The following CD44 variants were observed in gnomAD, a reference collection of about 807,000 sequenced individuals.
CD44 encodes CD44 molecule (IN blood group).
Under a neutral mutation model 88.8 loss-of-function variants are expected in CD44, and 49 were observed. The observed-to-expected ratio is 0.55, with a 90% CI of 0.44 to 0.70. CD44 has a LOEUF of 0.70. Ranked by LOEUF, CD44 falls within the 30% of genes least tolerant of loss-of-function variation. CD44 has a pLI of 0.00. For missense variants in CD44, 883 were observed against 913.8 expected, an observed-to-expected ratio of 0.97 and a Z score of 0.43; for synonymous variants, 325 against 312.3, an observed-to-expected ratio of 1.04 and a Z score of -0.43.
intron 6 of CD44, 180 bp from the exon 7 acceptor site, chr11:35,197,941 T>G: frequency 1.5e-4 from 79 of 538,608 alleles, no homozygotes; most frequent in Non-Finnish European, 1.9e-4. Context: ...CCACTTGTTT[T>G]GAGATTTATG....
intron 16 of CD44, among the ~76,000 whole-genome samples, chr11:35,220,373 C>G (rs1276139862): frequency 5.9e-5 from 9 of 151,790 alleles, no homozygotes; most frequent in African/African-American, 2.2e-4. Context: ...TCCTGTCAGT[C>G]TCCCCCACTT....
At chr11:35,169,501 T>C (rs1377067398) in intron 1 of CD44, among the ~76,000 whole-genome samples, 2 of 152,102 alleles carry the variant, frequency 1.3e-5, no homozygotes, top group African/African-American at 2.4e-5. Context: ...GACCAGCTCC[T>C]GGATTCCATA....
intron 3 of CD44, among the ~76,000 whole-genome samples, chr11:35,184,491 A>G (rs1023611214): frequency 3.9e-5 from 6 of 152,214 alleles, no homozygotes; most frequent in Admixed American, 3.3e-4. Flanking sequence ...AGCATCTCAT[A>G]GGTTGCGTCA....
Position 35,206,207 on chromosome 11 carries a change from C to T in CD44, c.1378C>T (p.Pro460Ser). ...TGATTTCTTCAACCCAATCTCACACCCCATGGGACGAGGTCATCAAGCAGG... is the reference window on the plus strand; with the variant it reads ...TGATTTCTTCAACCCAATCTCACACTCCATGGGACGAGGTCATCAAGCAGG... ...WTDFFNPISH[P>S]MGRGHQAGRR... Residue 460 changes from proline to serine, a missense_variant, in exon 11 of 18, where the codon CCC (proline) becomes TCC (serine). Pro to Ser is a moderately conservative substitution (Grantham distance 74). Coordinates refer to ENST00000428726, the MANE Select transcript of CD44 (RefSeq NM_000610.4). The T allele has an allele frequency of 6.2e-7, 1 of 1,611,418 alleles. No individual in the cohort carries two copies. Among genetic ancestry groups the T allele is most frequent in the Non-Finnish European group, 8.5e-7 (1 of 1,178,720 alleles).
chr11:35,187,795 C>A (rs540580902), intron 4 of CD44, among the ~76,000 whole-genome samples: 238 of 152,260 alleles, frequency 1.6e-3, no homozygotes, highest in African/African-American at 5.2e-3. Flanking sequence ...CTTCCTGATA[C>A]GTGTTTTGAC....
intron 14 of CD44, among the ~76,000 whole-genome samples, chr11:35,211,910 T>C (rs1311745082): frequency 6.6e-6 from 1 of 152,222 alleles, no homozygotes; most frequent in African/African-American, 2.4e-5. Context: ...GTATCTTTGC[T>C]CTGAAATTAT....
chr11:35,142,126 G>C (rs758848600), intron 1 of CD44, among the ~76,000 whole-genome samples: 13 of 152,116 alleles, frequency 8.5e-5, no homozygotes, highest in Non-Finnish European at 1.3e-4. Context: ...TGGAGGCCAG[G>C]GGGGATGAGT....
intron 2 of CD44, among the ~76,000 whole-genome samples, chr11:35,180,062 T>C (rs113153626): frequency 1.3e-5 from 2 of 152,300 alleles, no homozygotes; most frequent in South Asian, 2.1e-4. Flanking sequence ...GGTCTCTAAA[T>C]AAAATCACTT....
At chr11:35,159,864 TTAATCC>T (rs1942375549) in intron 1 of CD44, among the ~76,000 whole-genome samples, 1 of 152,238 alleles carries the variant, frequency 6.6e-6, no homozygotes, top group Non-Finnish European at 1.5e-5. Flanking sequence ...CTTCATGGGA[TTAATCC>T]TGTTCTTCTG....
At chr11:35,225,272 A>G (rs1949620561) in intron 17 of CD44, among the ~76,000 whole-genome samples, 1 of 152,222 alleles carries the variant, frequency 6.6e-6, no homozygotes, top group South Asian at 2.1e-4. Flanking sequence ...ATTGTCAGGT[A>G]GAAGAGTCAT....
chr11:35,143,017 C>T (rs1333662391), intron 1 of CD44, among the ~76,000 whole-genome samples: 2 of 152,068 alleles, frequency 1.3e-5, no homozygotes, highest in African/African-American at 2.4e-5. Flanking sequence ...AACCCCACCC[C>T]CTGCAGTGGG....
At chr11:35,160,373 C>T (rs1942443196) in intron 1 of CD44, among the ~76,000 whole-genome samples, 1 of 152,202 alleles carries the variant, frequency 6.6e-6, no homozygotes, top group African/African-American at 2.4e-5. Flanking sequence ...ATTCTGAGAG[C>T]AGGATGCTGG....
In CD44 at chr11:35,209,906, A is replaced by AT. The variant is rs1371859332; in HGVS notation, c.1517-58dup. On this transcript the variant is annotated intron_variant, in intron 12 of 17. Coordinates refer to ENST00000428726, the MANE Select transcript of CD44 (RefSeq NM_000610.4). The stretch of plus-strand genomic sequence containing the variant: ...CTAGCTAGATTTTCCTTGCTAGCAG[A>AT]TAACAGGATTTGTACCGTAGCTTCA... 7 of 1,132,094 alleles carry AT rather than the reference A, an allele frequency of 6.2e-6. No individual in the cohort carries two copies. In the African/African-American group the frequency reaches 1.1e-4, roughly 18 times the overall value. The allele number at this position is 1,132,094 out of a possible 1,614,324, so 70.1% of individuals were successfully genotyped here.
chr11:35,168,734 G>T (rs926799116), intron 1 of CD44, among the ~76,000 whole-genome samples: 2 of 152,196 alleles, frequency 1.3e-5, no homozygotes, highest in Non-Finnish European at 2.9e-5. Flanking sequence ...ATCTGGAGAC[G>T]TCTGGTCTGG....
rs1320061357 is a variant in CD44 at position 35,230,581 on chromosome 11, A to G, written c.*1248A>G. The G allele has an allele frequency of 2.0e-5, 3 of 152,190 alleles. 1 individual carries two copies. The East Asian group carries it at 5.8e-4, about 29-fold the overall frequency. The allele number at this position is 152,190 out of a possible 1,614,324, so 9.4% of individuals were successfully genotyped here. On this transcript the variant is annotated 3_prime_UTR_variant, in exon 18 of 18. Transcript: ENST00000428726. The stretch of plus-strand genomic sequence containing the variant: ...TTAAACACACCAGTGTCTGTTCTTG[A>G]TGCAGTTGCTATTTAGGATGAGTTA...
chr11:35,201,628 G>T, intron 8 of CD44, 43 bp from the exon 9 acceptor site: 1 of 1,608,692 alleles, frequency 6.2e-7, no homozygotes, highest in Non-Finnish European at 8.5e-7. Flanking sequence ...ATTAAAGATT[G>T]GTTGATAACA....
intron 1 of CD44, among the ~76,000 whole-genome samples, chr11:35,166,569 G>A (rs1308358373): frequency 6.6e-6 from 1 of 152,192 alleles, no homozygotes; most frequent in Non-Finnish European, 1.5e-5. Flanking sequence ...GAGAACCCTT[G>A]GGATTCTTCT....
Position 35,155,321 on chromosome 11 carries a change from T to C in CD44, c.67+15951T>C, listed in dbSNP as rs978380233. Among the ~76,000 whole-genome samples, 3 of 152,230 alleles carry C rather than the reference T, an allele frequency of 2.0e-5. No individual in the cohort carries two copies. The South Asian group carries it at 6.2e-4, about 32-fold the overall frequency. On this transcript the variant is annotated intron_variant, in intron 1 of 17. Coordinates refer to ENST00000428726, the MANE Select transcript of CD44 (RefSeq NM_000610.4). ...TTCAGGTAGAATAGAATAACTTTTT[T>C]TGCATTGGTAACAATGTGGGCTACA...
chr11:35,221,811 C>G, intron 17 of CD44, 79 bp downstream of exon 17: 1 of 1,301,414 alleles, frequency 7.7e-7, no homozygotes, highest in Non-Finnish European at 1.1e-6. Context: ...CTGCTCAGAG[C>G]GTAGTCCCTG....
Sources: allele counts gnomAD v4.1 joint callset (sites outside exome capture counted in the v4.1 genomes callset), GRCh38; gene constraint gnomAD v4.1.1; transcripts MANE v1.5; gene names NCBI Gene and HGNC (gene_info 2026-07-23, HGNC 2026-07-21).